FAT4: variants seen among roughly 807,000 people sequenced by gnomAD.
The protein encoded by FAT4 is protocadherin Fat 4.
FAT4 carries 84 observed loss-of-function variants against 303.9 expected under a neutral mutation model. The ratio of observed to expected loss-of-function variants is 0.28; its 90% confidence interval spans 0.23 to 0.33. The LOEUF (loss-of-function observed/expected upper bound fraction) is 0.33, where lower values mean the gene tolerates loss of function less well. Ranked by LOEUF, FAT4 falls within the 10% of genes least tolerant of loss-of-function variation. FAT4 has a pLI of 1.00. For missense variants in FAT4, 6,005 were observed against 6,146.8 expected, an observed-to-expected ratio of 0.98 and a Z score of 0.77; for synonymous variants, 2,307 against 2,298.8, an observed-to-expected ratio of 1.00 and a Z score of -0.10.
Position 125,490,018 on chromosome 4 carries a change from G to T in FAT4, c.13202G>T (p.Arg4401Leu). 1 of 1,613,980 alleles carries T rather than the reference G, an allele frequency of 6.2e-7. No homozygotes were observed. The highest frequency in any genetic ancestry group is 8.5e-7 in the Non-Finnish European group (1 of 1,179,988). The change falls in exon 18 of 18, where the codon CGT becomes CTT. Residue 4401 changes from arginine to leucine, a missense_variant. Arg to Leu is a moderately radical substitution (Grantham distance 102). Coordinates refer to ENST00000394329, the MANE Select transcript of FAT4 (RefSeq NM_001291303.3). ...GATCCCTCAGTGAAGATTGGCTGCC[G>T]TGGCCCGAACATTTGTGCCAGCAAC... Reference protein sequence around the residue: ...KTDPSVKIGCRGPNICASNPC... With the variant: ...KTDPSVKIGCLGPNICASNPC...
intron 17 of FAT4, 58 bp downstream of exon 17, chr4:125,487,664 A>G: frequency 6.7e-7 from 1 of 1,496,350 alleles, no homozygotes; most frequent in Non-Finnish European, 8.9e-7. Flanking sequence ...TCAAAAAGTA[A>G]TTGCTTTTTC....
chr4:125,452,077 T>C lies in FAT4; in HGVS notation c.11067T>C (p.Asp3689=), dbSNP rs1726102842. 6.2e-7 allele frequency: 1 copy of C among 1,614,070 alleles called. No homozygotes were observed. The highest frequency in any genetic ancestry group is 1.3e-5 in the African/African-American group (1 of 74,936). Residue 3689 remains aspartate, a synonymous_variant, in exon 10 of 18, where the codon GAT becomes GAC. Coordinates refer to ENST00000394329, the MANE Select transcript of FAT4 (RefSeq NM_001291303.3). The stretch of plus-strand genomic sequence containing the variant: ...TTGATCTGACTGTCCTTAGCAATGA[T>C]GGAGTTCACAGCACAGTCACGAGCA... The part of the protein sequence containing the change: ...GTFDLTVLSN[D]GVHSTVTSNI...
At chr4:125,429,583 C>G (rs1040712883) in intron 7 of FAT4, among the ~76,000 whole-genome samples, 1 of 152,004 alleles carries the variant, frequency 6.6e-6, no homozygotes, top group Admixed American at 6.6e-5. Context: ...TTAACAAAAT[C>G]AAACAAGAAT....
intron 7 of FAT4, among the ~76,000 whole-genome samples, chr4:125,429,605 G>T (rs1180046684): frequency 2.0e-5 from 3 of 152,026 alleles, no homozygotes; most frequent in African/African-American, 7.2e-5. Flanking sequence ...CCTACTTTAT[G>T]GAATCTGTGC....
At chr4:125,472,304 GATCATATGA>G (rs1290522943) in intron 12 of FAT4, among the ~76,000 whole-genome samples, 1 of 152,068 alleles carries the variant, frequency 6.6e-6, no homozygotes, top group African/African-American at 2.4e-5. Flanking sequence ...TCCTTAGACT[GATCATATGA>G]ATCATACATT....
chr4:125,445,835 G>A (rs1481517688), intron 8 of FAT4, among the ~76,000 whole-genome samples: 1 of 152,020 alleles, frequency 6.6e-6, no homozygotes, highest in Non-Finnish European at 1.5e-5. Context: ...GTCAAATACA[G>A]GTTTTGTCTT....
rs149301924 is a variant in FAT4 at position 125,487,375 on chromosome 4, G to A, written c.12853G>A (p.Asp4285Asn). The A allele has an allele frequency of 7.3e-5, 118 of 1,613,256 alleles. No homozygotes were observed. The highest frequency in any genetic ancestry group is 8.3e-5 in the Admixed American group (5 of 59,980). The change falls in exon 17 of 18, where the codon GAT becomes AAT. Residue 4285 changes from aspartate (D) to asparagine (N), a missense_variant. Asp to Asn is a conservative substitution (Grantham distance 23). Coordinates refer to ENST00000394329, the MANE Select transcript of FAT4 (RefSeq NM_001291303.3). ...IKNGKVYFTS[D>N]AGIAGKVERN... Reference sequence around the variant, plus strand: ...GAATGGCAAAGTATATTTTACATCCGATGCAGGAATTGCTGGGAAAGTGGA... The same window carrying A: ...GAATGGCAAAGTATATTTTACATCCAATGCAGGAATTGCTGGGAAAGTGGA...
intron 15 of FAT4, among the ~76,000 whole-genome samples, chr4:125,480,656 G>T (rs1727193759): frequency 6.6e-6 from 1 of 151,922 alleles, no homozygotes; most frequent in Non-Finnish European, 1.5e-5. Flanking sequence ...AATCTAAAAG[G>T]TCTTAGCAGA....
intron 12 of FAT4, 129 bp downstream of exon 12, chr4:125,468,948 C>A: frequency 1.1e-6 from 1 of 934,660 alleles, no homozygotes; most frequent in Non-Finnish European, 1.6e-6. Flanking sequence ...AAAACTTAGA[C>A]ATAATATTTT....
At chr4:125,480,035 A>G (rs1049136095) in intron 15 of FAT4, among the ~76,000 whole-genome samples, 170 bp downstream of exon 15, 1 of 152,340 alleles carries the variant, frequency 6.6e-6, no homozygotes. Flanking sequence ...TTATTTTTGT[A>G]ACCTGAAGAA....
intron 8 of FAT4, among the ~76,000 whole-genome samples, chr4:125,436,658 A>G (rs747335688): frequency 1.8e-4 from 27 of 152,142 alleles, no homozygotes; most frequent in Non-Finnish European, 3.7e-4. Flanking sequence ...TCATGGCCGA[A>G]GGTGAGGAAG....
At chr4:125,341,856 C>A (rs1731810926) in intron 2 of FAT4, among the ~76,000 whole-genome samples, 1 of 151,892 alleles carries the variant, frequency 6.6e-6, no homozygotes, top group Non-Finnish European at 1.5e-5. Context: ...AACAAGAATT[C>A]TTTTGTGTCT....
intron 10 of FAT4, among the ~76,000 whole-genome samples, chr4:125,456,547 C>T (rs932993475): frequency 6.6e-6 from 1 of 151,950 alleles, no homozygotes. Context: ...GTTTTATTTC[C>T]TTTTTGTATT....
rs1726097155 is a variant in FAT4 at position 125,451,975 on chromosome 4, A to G, written c.10965A>G (p.Ser3655=). ...ACAGCTTCCACTGCTCCCTTACTTC[A>G]GGAGTTACCAGCCTCTTCAGTATTC... ...VLDSFHCSLT[S]GVTSLFSIPG... The change falls in exon 10 of 18, where the codon TCA becomes TCG. Residue 3655 remains serine (S), a synonymous_variant. Transcript: ENST00000394329. The G allele has an allele frequency of 6.2e-7, 1 of 1,614,122 alleles. No individual in the cohort carries two copies.
intron 2 of FAT4, among the ~76,000 whole-genome samples, chr4:125,332,954 A>G (rs750093390): frequency 6.6e-6 from 1 of 152,014 alleles, no homozygotes; most frequent in Non-Finnish European, 1.5e-5. Context: ...TTTATGGTAT[A>G]TACATTTTTG....
At chr4:125,429,089 A>C (rs1725196254) in intron 7 of FAT4, among the ~76,000 whole-genome samples, 2 of 152,156 alleles carry the variant, frequency 1.3e-5, no homozygotes, top group South Asian at 4.1e-4. Context: ...TTCACGTTTA[A>C]TTGGGACCTT....
At chr4:125,482,661 A>G (rs1280669759) in intron 16 of FAT4, among the ~76,000 whole-genome samples, 1 of 152,172 alleles carries the variant, frequency 6.6e-6, no homozygotes, top group Non-Finnish European at 1.5e-5. Context: ...CTATTAGTCA[A>G]TATTTAATAA....
At chr4:125,396,480 G>T (rs1734173592) in intron 2 of FAT4, among the ~76,000 whole-genome samples, 1 of 151,864 alleles carries the variant, frequency 6.6e-6, no homozygotes, top group East Asian at 1.9e-4. Flanking sequence ...ATATTTAATT[G>T]GTGTCAATCT....
chr4:125,407,444 A>C (rs1185669049), intron 4 of FAT4, among the ~76,000 whole-genome samples: 1 of 149,222 alleles, frequency 6.7e-6, no homozygotes, highest in Non-Finnish European at 1.5e-5. Context: ...AAAAACGTCT[A>C]ATGTGATTTG....
Sources: gnomAD v4.1 joint callset for allele counts (sites outside exome capture counted in the v4.1 genomes callset) on GRCh38, gnomAD v4.1.1 for gene constraint, MANE v1.5 for transcripts, NCBI Gene and HGNC (gene_info 2026-07-23, HGNC 2026-07-21) for gene names.